E2F4: variants seen among roughly 807,000 people sequenced by gnomAD.
E2F4 encodes transcription factor E2F4.
Under a neutral mutation model 44.5 loss-of-function variants are expected in E2F4, and 16 were observed. The ratio of observed to expected loss-of-function variants is 0.36; its 90% CI spans 0.24 to 0.55. The LOEUF (loss-of-function observed/expected upper bound fraction) is 0.55, where lower values mean the gene tolerates loss of function less well. Among genes scored for constraint, E2F4 ranks in the 20% least tolerant of loss-of-function variants. The pLI is 0.87. For missense variants in E2F4, 473 were observed against 522.1 expected, an observed-to-expected ratio of 0.91 and a Z score of 0.92; for synonymous variants, 242 against 207.2, an observed-to-expected ratio of 1.17 and a Z score of -1.44.
At chr16:67,192,934 G>A (rs2032910368) in intron 2 of E2F4, 64 bp downstream of exon 2, 2 of 1,566,874 alleles carry the variant, frequency 1.3e-6, no homozygotes, top group African/African-American at 1.4e-5. Flanking sequence ...GTGGGGTGGA[G>A]GGTGCCGAAG....
intron 2 of E2F4, 40 bp from the exon 3 acceptor site, chr16:67,192,969 G>A (rs371430202): frequency 4.4e-5 from 68 of 1,560,310 alleles, no homozygotes; most frequent in Non-Finnish European, 5.8e-5. Flanking sequence ...GGGACCCAGA[G>A]TTCTCAGCAG....
rs1276271673 is a variant in E2F4 at position 67,198,444 on chromosome 16, G to T, written c.*321G>T. 2.9e-6 allele frequency: 1 copy of T among 342,778 alleles called. No homozygotes were observed. Among genetic ancestry groups the T allele is most frequent in the Non-Finnish European group, 5.5e-6 (1 of 180,828 alleles). 21.2% of individuals were successfully genotyped at this position (342,778 alleles called of 1,614,324 possible). ...AGGAGCTGCCATTACCCCCCATAGG[G>T]GGCAGTGTCTTGTTCCTGCCAGCCT... On this transcript the variant is annotated 3_prime_UTR_variant, in exon 10 of 10. Coordinates refer to ENST00000379378, the MANE Select transcript of E2F4 (RefSeq NM_001950.4).
chr16:67,194,609 T>G (rs1465067673), intron 5 of E2F4, 77 bp from the exon 6 acceptor site: 6 of 1,578,912 alleles, frequency 3.8e-6, no homozygotes, highest in Non-Finnish European at 5.2e-6. Context: ...GACACTGTGG[T>G]CCTGACCCGG....
rs377389907 is a variant in E2F4, at chr16:67,194,689, C to T, written c.517C>T (p.Leu173Phe). 1.6e-5 allele frequency: 26 copies of T among 1,611,162 alleles called. No homozygotes were observed. The African/African-American group carries it at 3.1e-4, about 19-fold the overall frequency. The stretch of plus-strand genomic sequence containing the variant: ...ATCCCTTACCACCCATCTCTAGGGT[C>T]TCAATGGGCAGAAGAAGTACCAGAT... ...TSLEVPIPEG[L>F]NGQKKYQIHL... Residue 173 changes from leucine to phenylalanine, a missense_variant, in exon 6 of 10, where the codon CTC becomes TTC. Leu to Phe is a conservative substitution (Grantham distance 22). Transcript: ENST00000379378.
chr16:67,194,272 T>C, intron 4 of E2F4, 126 bp from the exon 5 acceptor site: 1 of 972,878 alleles, frequency 1.0e-6, no homozygotes. Context: ...CTATGGGGGA[T>C]GGGTGAGGCC....
Position 67,192,244 on chromosome 16 carries a change from C to T in E2F4, c.17C>T (p.Pro6Leu), listed in dbSNP as rs927251130. ...GCGGGCGCGATGGCGGAGGCCGGGC[C>T]ACAGGCGCCGCCGCCCCCGGGCACT... MAEAG[P>L]QAPPPPGTPS... is the part of the protein sequence containing the mutation. Residue 6 changes from proline (P) to leucine (L), a missense_variant, in exon 1 of 10, where the codon CCA (proline) becomes CTA (leucine). Coordinates refer to ENST00000379378, the MANE Select transcript of E2F4 (RefSeq NM_001950.4). 9.4e-6 allele frequency: 12 copies of T among 1,274,248 alleles called. No homozygotes were observed. Among genetic ancestry groups the T allele is most frequent in the Admixed American group, 8.1e-5 (2 of 24,610 alleles). The allele number at this position is 1,274,248 out of a possible 1,614,324, so 78.9% of individuals were successfully genotyped here. A position where few individuals can be genotyped will look rare whatever the true frequency, so the allele number is the denominator to read the frequency against.
chr16:67,198,273 C>G lies in E2F4; in HGVS notation c.*150C>G. The G allele has an allele frequency of 1.5e-6, 1 of 666,318 alleles. No homozygotes were observed. Among genetic ancestry groups the G allele is most frequent in the Admixed American group, 2.5e-5 (1 of 40,300 alleles). 41.3% of individuals were successfully genotyped at this position (666,318 alleles called of 1,614,324 possible). A position where few individuals can be genotyped will look rare whatever the true frequency, so the allele number is the denominator to read the frequency against. Reference sequence around the variant, plus strand: ...CCTCACCGCACAGTTCTGGCCACAGCTCCCGCTCCTGTGCTGGCACTTCTG... The same window carrying G: ...CCTCACCGCACAGTTCTGGCCACAGGTCCCGCTCCTGTGCTGGCACTTCTG... On this transcript the variant is annotated 3_prime_UTR_variant, in exon 10 of 10. Coordinates refer to ENST00000379378, the MANE Select transcript of E2F4 (RefSeq NM_001950.4).
At chr16:67,196,271 T>A (rs1160241669) in intron 7 of E2F4, among the ~76,000 whole-genome samples, 1 of 152,174 alleles carries the variant, frequency 6.6e-6, no homozygotes, top group Non-Finnish European at 1.5e-5. Flanking sequence ...TGTATCACTC[T>A]CTCTCATCTT....
chr16:67,193,642 C>A, intron 4 of E2F4, 127 bp downstream of exon 4: 1 of 1,027,804 alleles, frequency 9.7e-7, no homozygotes, highest in Non-Finnish European at 1.5e-6. Flanking sequence ...AGAGAGGAAC[C>A]AGGCAGGGTA....
At chr16:67,197,138 C>G (rs1436858012) in intron 7 of E2F4, among the ~76,000 whole-genome samples, 1 of 152,186 alleles carries the variant, frequency 6.6e-6, no homozygotes, top group Non-Finnish European at 1.5e-5. Context: ...ATAGTCCTCT[C>G]TGGTTGCATT....
rs897022297 is a variant in E2F4 at position 67,198,283 on chromosome 16, T to C, written c.*160T>C. The C allele has an allele frequency of 1.1e-5, 7 of 640,398 alleles. No individual in the cohort carries two copies. Among genetic ancestry groups the C allele is most frequent in the Non-Finnish European group, 1.9e-5 (7 of 362,678 alleles). 39.7% of individuals were successfully genotyped at this position (640,398 alleles called of 1,614,324 possible). A position where few individuals can be genotyped will look rare whatever the true frequency, so the allele number is the denominator to read the frequency against. On this transcript the variant is annotated 3_prime_UTR_variant, in exon 10 of 10. Transcript: ENST00000379378. ...CAGTTCTGGCCACAGCTCCCGCTCC[T>C]GTGCTGGCACTTCTGTGCTCGCAGA...
chr16:67,193,682 T>C (rs1226149271), intron 4 of E2F4, among the ~76,000 whole-genome samples, 167 bp downstream of exon 4: 2 of 152,176 alleles, frequency 1.3e-5, no homozygotes, highest in African/African-American at 4.8e-5. Flanking sequence ...ACTGGGACCC[T>C]GTGGAGGTCA....
rs147127862 is a variant in E2F4, at chr16:67,193,582, C to T, written c.451+67C>T. On this transcript the variant is annotated intron_variant, in intron 4 of 9. Coordinates refer to ENST00000379378, the MANE Select transcript of E2F4 (RefSeq NM_001950.4). ...CAGCCAAAGTCCTGAGCACTGGGCT[C>T]AGTGTCTTAGGAGAGTTCTGTCTCT... 4.2e-4 allele frequency: 642 copies of T among 1,546,668 alleles called. 4 individuals are homozygous for T. The Middle Eastern group carries it at 0.01, about 25-fold the overall frequency.
intron 1 of E2F4, 76 bp from the exon 2 acceptor site, chr16:67,192,685 C>T (rs2032906063): frequency 7.2e-7 from 1 of 1,396,960 alleles, no homozygotes; most frequent in African/African-American, 1.4e-5. Context: ...AGATTACTCC[C>T]TTCCCAGACC....
intron 6 of E2F4, 107 bp from the exon 7 acceptor site, chr16:67,195,675 G>A: frequency 6.4e-7 from 1 of 1,550,448 alleles, no homozygotes; most frequent in Non-Finnish European, 8.7e-7. Flanking sequence ...TTCTCCTTGG[G>A]TCTGGGAACC....
chr16:67,193,075 C>G lies in E2F4; in HGVS notation c.312C>G (p.Ile104Met), dbSNP rs781307077. ...AACTGATTGAGCTCAAGGCAGAGAT[C>G]GAGGAGCTGCAGCAGCGGGAGCAAG... ...ADKLIELKAE[I>M]EELQQREQEL... is the part of the protein sequence containing the mutation. The change falls in exon 3 of 10, where the codon ATC becomes ATG. Residue 104 changes from isoleucine (I) to methionine (M), a missense_variant. Physicochemically the swap from Ile to Met is conservative, Grantham distance 10. This residue lies in a region of E2F4 where 119 missense variants were observed against 175.6 expected (regional missense o/e 0.68). Transcript: ENST00000379378. 20 of 1,569,540 alleles carry G rather than the reference C, an allele frequency of 1.3e-5. No individual in the cohort carries two copies. Among genetic ancestry groups the G allele is most frequent in the Middle Eastern group, 1.7e-4 (1 of 6,042 alleles).
chr16:67,198,456 GTTCCTGCCAGC>G lies in E2F4; in HGVS notation c.*334_*344del, dbSNP rs2033013238. 3.3e-6 allele frequency: 1 copy of G among 305,976 alleles called. No homozygotes were observed. Among genetic ancestry groups the G allele is most frequent in the Non-Finnish European group, 6.3e-6 (1 of 159,776 alleles). 19.0% of individuals were successfully genotyped at this position (305,976 alleles called of 1,614,324 possible). ...TACCCCCCATAGGGGGCAGTGTCTTGTTCCTGCCAGCCTCAGTGTCTTGCTTCTGCCAGCTC... is the reference window on the plus strand; with the variant it reads ...TACCCCCCATAGGGGGCAGTGTCTTGCTCAGTGTCTTGCTTCTGCCAGCTC... On this transcript the variant is annotated 3_prime_UTR_variant, in exon 10 of 10. Coordinates refer to ENST00000379378, the MANE Select transcript of E2F4 (RefSeq NM_001950.4).
chr16:67,193,894 A>G (rs2032927146), intron 4 of E2F4: 1 of 296,112 alleles, frequency 3.4e-6, no homozygotes. Flanking sequence ...GTTTAGTTGC[A>G]TTGTGAATAC....
At chr16:67,192,492 G>A (rs967398674) in intron 1 of E2F4, 130 bp downstream of exon 1, 1 of 1,273,708 alleles carries the variant, frequency 7.9e-7, no homozygotes, top group African/African-American at 1.5e-5. Context: ...TCACAGGAGA[G>A]AAGCCGGGGG....
Sources: gnomAD v4.1 joint callset for allele counts (sites outside exome capture counted in the v4.1 genomes callset) on GRCh38, gnomAD v4.1.1 for gene constraint, gnomAD v4.1.1 regional missense constraint, MANE v1.5 for transcripts, NCBI Gene and HGNC (gene_info 2026-07-23, HGNC 2026-07-21) for gene names.